Variants in ELOB observed in about 807,000 individuals in gnomAD.
ELOB encodes elongin B, also known as elongin-B.
Under a neutral mutation model 12.9 loss-of-function variants are expected in ELOB, and 3 were observed. The observed-to-expected ratio is 0.23, with a 90% confidence interval of 0.11 to 0.60. ELOB has a LOEUF of 0.60. Among genes scored for constraint, ELOB ranks in the 20% least tolerant of loss-of-function variants. ELOB has a pLI of 0.89. For missense variants in ELOB, 126 were observed against 159.2 expected (o/e 0.79, Z 1.12); for synonymous variants, 84 against 67.4 (o/e 1.25, Z -1.21).
rs1406939240 is a variant in ELOB, at chr16:2,771,529, A to T, written c.*461T>A. ...GTCCGTCTTGGGGTTCCCTCGTTGA[A>T]CATGCTGTCAAACCAGGACACTGGC... On this transcript the variant is annotated 3_prime_UTR_variant, in exon 4 of 4. Transcript: ENST00000409906. 1.2e-6 allele frequency: 2 copies of T among 1,614,110 alleles called. No homozygotes were observed.
intron 3 of ELOB, among the ~76,000 whole-genome samples, chr16:2,775,024 C>G (rs1217177289): frequency 2.0e-5 from 3 of 152,112 alleles, no homozygotes; most frequent in African/African-American, 7.2e-5. Context: ...AGCAAGGGCC[C>G]GGCAGTCAGC....
At chr16:2,772,697 T>G (rs1567256024) in intron 3 of ELOB, among the ~76,000 whole-genome samples, 2 of 149,038 alleles carry the variant, frequency 1.3e-5, no homozygotes, top group Non-Finnish European at 3.0e-5. Context: ...CGACACAGAC[T>G]CCATCTCAAA....
Position 2,771,473 on chromosome 16 carries a change from T to A in ELOB, c.*517A>T. ...GGGGGCAGCCACTTCCCTCCGTGAT[T>A]ACAGCCCCCAGCGTGGGTGGACCTG... is the stretch of plus-strand genomic sequence containing the variant. On this transcript the variant is annotated 3_prime_UTR_variant, in exon 4 of 4. Coordinates refer to ENST00000409906, the MANE Select transcript of ELOB (RefSeq NM_007108.4). 1 of 1,614,174 alleles carries A rather than the reference T, an allele frequency of 6.2e-7. No individual in the cohort carries two copies. The highest frequency in any genetic ancestry group is 8.5e-7 in the Non-Finnish European group (1 of 1,180,030).
rs1567257167 is a variant in ELOB at position 2,775,274 on chromosome 16, T to TA, written c.244+176_244+177insT. 8.7e-3 allele frequency among the ~76,000 whole-genome samples: 1,295 copies of TA among 148,324 alleles called. 17 individuals carry two copies. The highest frequency in any genetic ancestry group is 0.029 in the African/African-American group (1,176 of 40,630). ...AGCATCTCATTTGGTTGCTTCTTTT[T>TA]TAAAAAAAAAAAAATGAGGAAACAA... On this transcript the variant is annotated intron_variant, in intron 3 of 3. Coordinates refer to ENST00000409906, the MANE Select transcript of ELOB (RefSeq NM_007108.4).
chr16:2,775,951 C>T (rs868723083), intron 2 of ELOB, among the ~76,000 whole-genome samples: 12 of 152,104 alleles, frequency 7.9e-5, no homozygotes, highest in Non-Finnish European at 1.2e-4. Flanking sequence ...CCAACATAAG[C>T]GCTATCATAG....
intron 1 of ELOB, 52 bp from the exon 2 acceptor site, chr16:2,777,179 C>T: frequency 9.6e-7 from 1 of 1,039,336 alleles, no homozygotes; most frequent in Non-Finnish European, 1.2e-6. Context: ...CCGCGCGGCC[C>T]AGCCGCCCCC....
At chr16:2,775,168 C>T (rs867312909) in intron 3 of ELOB, among the ~76,000 whole-genome samples, 2 of 151,430 alleles carry the variant, frequency 1.3e-5, no homozygotes, top group African/African-American at 2.4e-5. Context: ...CACAGAGTAA[C>T]ATGCAGAGCA....
intron 2 of ELOB, among the ~76,000 whole-genome samples, chr16:2,776,580 C>G (rs1355177475): frequency 3.9e-5 from 6 of 152,220 alleles, no homozygotes; most frequent in Non-Finnish European, 5.9e-5. Context: ...ACCCTCCACC[C>G]GAAGGAGTGT....
intron 3 of ELOB, among the ~76,000 whole-genome samples, chr16:2,774,977 G>A (rs1421270480): frequency 6.6e-6 from 1 of 152,166 alleles, no homozygotes; most frequent in Non-Finnish European, 1.5e-5. Flanking sequence ...GGGTTTCGGT[G>A]ATACATAGCA....
chr16:2,772,355 TCATC>T, intron 3 of ELOB: 1 of 303,896 alleles, frequency 3.3e-6, no homozygotes, highest in Admixed American at 4.8e-5. Context: ...GCCCCTTTCC[TCATC>T]TTCCATGTCC....
In ELOB at chr16:2,771,852, C is replaced by A; in HGVS notation, c.*138G>T. 1 of 1,460,532 alleles carries A rather than the reference C, an allele frequency of 6.8e-7. No individual in the cohort carries two copies. Among genetic ancestry groups the A allele is most frequent in the Non-Finnish European group, 9.0e-7 (1 of 1,107,676 alleles). The allele number at this position is 1,460,532 out of a possible 1,614,324, so 90.5% of individuals were successfully genotyped here. A position where few individuals can be genotyped will look rare whatever the true frequency, so the allele number is the denominator to read the frequency against. On this transcript the variant is annotated 3_prime_UTR_variant, in exon 4 of 4. Coordinates refer to ENST00000409906, the MANE Select transcript of ELOB (RefSeq NM_007108.4). Reference sequence around the variant, plus strand: ...TCAGGATCTGGGAGACAGGACAGCACAGGAACTGCCAAGCACAAGCCCCAA... The same window carrying A: ...TCAGGATCTGGGAGACAGGACAGCAAAGGAACTGCCAAGCACAAGCCCCAA...
At position 2,771,601 on chromosome 16, in the gene ELOB, C is replaced by G. The variant is rs746829193; in HGVS notation, c.*389G>C. 1 of 1,613,960 alleles carries G rather than the reference C, an allele frequency of 6.2e-7. No individual in the cohort carries two copies. Among genetic ancestry groups the G allele is most frequent in the Non-Finnish European group, 8.5e-7 (1 of 1,180,036 alleles). Reference sequence around the variant, plus strand: ...TGGCCATCGTCTGGGAGTGGACATGCAGGCTATGGGGGTGGGGGGCACTTA... The same window carrying G: ...TGGCCATCGTCTGGGAGTGGACATGGAGGCTATGGGGGTGGGGGGCACTTA... On this transcript the variant is annotated 3_prime_UTR_variant, in exon 4 of 4. Transcript: ENST00000409906.
rs770679025 is a variant in ELOB at position 2,771,444 on chromosome 16, T to C, written c.*546A>G. The stretch of plus-strand genomic sequence containing the variant: ...CTGTAGACTGTTTATTAAAGGTGTG[T>C]TAAGGGGGCAGCCACTTCCCTCCGT... On this transcript the variant is annotated 3_prime_UTR_variant, in exon 4 of 4. Transcript: ENST00000409906. 6.2e-7 allele frequency: 1 copy of C among 1,614,076 alleles called. No individual in the cohort carries two copies. Among genetic ancestry groups the C allele is most frequent in the Non-Finnish European group, 8.5e-7 (1 of 1,179,980 alleles).
chr16:2,776,792 G>A (rs1161131683), intron 2 of ELOB, among the ~76,000 whole-genome samples: 1 of 152,194 alleles, frequency 6.6e-6, no homozygotes, highest in Non-Finnish European at 1.5e-5. Context: ...CCCGGCACGA[G>A]GTCTAAACAT....
chr16:2,772,460 C>T (rs773065928), intron 3 of ELOB: 6 of 155,222 alleles, frequency 3.9e-5, no homozygotes, highest in Admixed American at 2.0e-4. Context: ...TTTGGGAGGC[C>T]GAGACGGGCA....
At chr16:2,776,665 G>A (rs1167593992) in intron 2 of ELOB, among the ~76,000 whole-genome samples, 1 of 152,242 alleles carries the variant, frequency 6.6e-6, no homozygotes, top group African/African-American at 2.4e-5. Flanking sequence ...GAACCCTGGC[G>A]CTGCCAATGA....
chr16:2,775,718 T>C (rs1374667684), intron 2 of ELOB, 162 bp from the exon 3 acceptor site: 5 of 529,396 alleles, frequency 9.4e-6, no homozygotes, highest in African/African-American at 1.9e-5. Context: ...TCCAGGGTTA[T>C]ATCCAAGAAC....
Position 2,771,593 on chromosome 16 carries a change from T to C in ELOB, c.*397A>G, listed in dbSNP as rs778507762. 8.7e-6 allele frequency: 14 copies of C among 1,613,456 alleles called. No individual in the cohort carries two copies. Among genetic ancestry groups the C allele is most frequent in the Middle Eastern group, 1.6e-4 (1 of 6,080 alleles). On this transcript the variant is annotated 3_prime_UTR_variant, in exon 4 of 4. Coordinates refer to ENST00000409906, the MANE Select transcript of ELOB (RefSeq NM_007108.4). ...TCTGCTCTTGGCCATCGTCTGGGAGTGGACATGCAGGCTATGGGGGTGGGG... is the reference window on the plus strand; with the variant it reads ...TCTGCTCTTGGCCATCGTCTGGGAGCGGACATGCAGGCTATGGGGGTGGGG...
intron 3 of ELOB, 95 bp from the exon 4 acceptor site, chr16:2,772,197 A>T (rs1215504425): frequency 1.9e-5 from 27 of 1,397,518 alleles, no homozygotes; most frequent in Non-Finnish European, 2.4e-5. Context: ...AGCTTTGGGG[A>T]TCTCCATGCG....
Sources: allele counts gnomAD v4.1 joint callset (sites outside exome capture counted in the v4.1 genomes callset), GRCh38; gene constraint gnomAD v4.1.1; transcripts MANE v1.5; gene names NCBI Gene and HGNC (gene_info 2026-07-23, HGNC 2026-07-21).